The following ACAA2 variants were observed in gnomAD, a reference collection of about 807,000 sequenced individuals.
The protein encoded by ACAA2 is acetyl-CoA acyltransferase 2, also known as 3-ketoacyl-CoA thiolase, mitochondrial.
ACAA2 carries 35 observed loss-of-function variants against 44.8 expected under a neutral mutation model. The ratio of observed to expected loss-of-function variants is 0.78; its 90% CI spans 0.60 to 1.04. The LOEUF is 1.04. Ranked by LOEUF, ACAA2 falls within the 50% of genes least tolerant of loss-of-function variation. The pLI, the probability that ACAA2 is intolerant of heterozygous loss-of-function variation, is 0.00. For missense variants in ACAA2, 468 were observed against 482.6 expected (o/e 0.97, Z 0.28); for synonymous variants, 142 against 166.5 (o/e 0.85, Z 1.13).
At chr18:49,797,705 G>A (rs1389447548) in intron 2 of ACAA2, 111 bp from the exon 3 acceptor site, 17 of 879,326 alleles carry the variant, frequency 1.9e-5, no homozygotes, top group Admixed American at 3.0e-5. Context: ...TAAACTATAT[G>A]GCTCTAAGGT....
intron 3 of ACAA2, among the ~76,000 whole-genome samples, chr18:49,796,980 AT>A (rs76336216): frequency 6.6e-6 from 1 of 151,884 alleles, no homozygotes; most frequent in African/African-American, 2.4e-5. Flanking sequence ...ATATATATAT[AT>A]AATACTTACC....
At chr18:49,786,711 T>G (rs2023333923) in intron 8 of ACAA2, 2 of 152,250 alleles carry the variant, frequency 1.3e-5, no homozygotes, top group Non-Finnish European at 2.9e-5. Flanking sequence ...TAAATGTTTC[T>G]CCACCTCTTC....
chr18:49,806,120 A>C (rs770435000), intron 1 of ACAA2, among the ~76,000 whole-genome samples: 3 of 152,212 alleles, frequency 2.0e-5, no homozygotes, highest in Non-Finnish European at 4.4e-5. Context: ...GGAAGGGAAC[A>C]GAACAGGGTA....
intron 7 of ACAA2, among the ~76,000 whole-genome samples, chr18:49,790,536 C>T (rs567484589): frequency 6.6e-6 from 1 of 152,298 alleles, no homozygotes; most frequent in Non-Finnish European, 1.5e-5. Context: ...AATCTATACC[C>T]TAGGGCAGGC....
At chr18:49,795,243 C>A (rs2023451788) in intron 4 of ACAA2, among the ~76,000 whole-genome samples, 1 of 152,172 alleles carries the variant, frequency 6.6e-6, no homozygotes, top group South Asian at 2.1e-4. Context: ...CAGTACTGTA[C>A]CATCATTCTC....
At chr18:49,797,725 T>G (rs990471529) in intron 2 of ACAA2, 131 bp from the exon 3 acceptor site, 8 of 627,180 alleles carry the variant, frequency 1.3e-5, no homozygotes, top group Admixed American at 7.0e-5. Flanking sequence ...TAGGACAAAA[T>G]GCATCTAAGT....
intron 1 of ACAA2, among the ~76,000 whole-genome samples, chr18:49,809,896 T>C (rs1359730277): frequency 6.6e-6 from 1 of 152,182 alleles, no homozygotes; most frequent in Non-Finnish European, 1.5e-5. Flanking sequence ...TATATCAATG[T>C]TAGCTCATCA....
intron 7 of ACAA2, among the ~76,000 whole-genome samples, chr18:49,788,670 A>G (rs182042983): frequency 6.6e-6 from 1 of 152,246 alleles, no homozygotes; most frequent in African/African-American, 2.4e-5. Context: ...TGACAGACAC[A>G]TAAAAGGTGG....
intron 2 of ACAA2, among the ~76,000 whole-genome samples, chr18:49,800,119 G>A (rs1490428304): frequency 8.7e-5 from 12 of 138,418 alleles, no homozygotes; most frequent in South Asian, 2.4e-4. Flanking sequence ...CGCCCCGTCC[G>A]GGAGGGAGGT....
At chr18:49,804,669 CAAA>C (rs2023592822) in intron 1 of ACAA2, among the ~76,000 whole-genome samples, 1 of 151,656 alleles carries the variant, frequency 6.6e-6, no homozygotes, top group African/African-American at 2.4e-5. Flanking sequence ...TATCTAATCA[CAAA>C]GAATAGAGGA....
At chr18:49,795,548 G>C (rs1363392305) in intron 4 of ACAA2, among the ~76,000 whole-genome samples, 1 of 152,142 alleles carries the variant, frequency 6.6e-6, no homozygotes. Context: ...TGCTGAGATA[G>C]ATAGAATCTA....
Position 49,807,982 on chromosome 18 carries a change from T to TAA in ACAA2, c.17-5131_17-5130dup, listed in dbSNP as rs571108352. ...CAAAGTGTTCTTACAGCTCAGCAATTAAAAAAAAAAAAAAAAACCCATGCA... is the reference window on the plus strand; with the variant it reads ...CAAAGTGTTCTTACAGCTCAGCAATTAAAAAAAAAAAAAAAAAAACCCATGCA... On this transcript the variant is annotated intron_variant, in intron 1 of 9. Transcript: ENST00000285093. Among the ~76,000 whole-genome samples, 595 of 116,264 alleles carry TAA rather than the reference T, an allele frequency of 5.1e-3. 8 individuals are homozygous for TAA. Among genetic ancestry groups the TAA allele is most frequent in the African/African-American group, 0.015 (488 of 31,678 alleles). 76.3% of individuals were successfully genotyped at this position (116,264 alleles called of 152,430 possible). A position where few individuals can be genotyped will look rare whatever the true frequency, so the allele number is the denominator to read the frequency against.
At chr18:49,811,322 G>A (rs1035904489) in intron 1 of ACAA2, 1 of 152,100 alleles carries the variant, frequency 6.6e-6, no homozygotes, top group Non-Finnish European at 1.5e-5. Context: ...CAGCAACGAG[G>A]GCAAATTAAG....
chr18:49,803,239 A>AAATAATAATAATAATAATTAT (rs2023575871), intron 1 of ACAA2, among the ~76,000 whole-genome samples: 3 of 142,402 alleles, frequency 2.1e-5, no homozygotes, highest in African/African-American at 7.7e-5. Context: ...CTGGTAGTTA[A>AAATAATAATAATAATAATTAT]AATAATAATA....
intron 9 of ACAA2, among the ~76,000 whole-genome samples, chr18:49,784,475 C>G (rs1013242271): frequency 3.3e-5 from 5 of 152,108 alleles, no homozygotes; most frequent in Admixed American, 6.5e-5. Context: ...ACTCCTCACT[C>G]CTAATATGAT....
In ACAA2 at chr18:49,803,581, G is replaced by A. The variant is rs142063764; in HGVS notation, c.17-728C>T. On this transcript the variant is annotated intron_variant, in intron 1 of 9. Coordinates refer to ENST00000285093, the MANE Select transcript of ACAA2 (RefSeq NM_006111.3). Reference sequence around the variant, plus strand: ...GTCTGAGGAGTTTTGACTGTGGCTCGTCCTGCTACACTGTGATGTAAAGCC... The same window carrying A: ...GTCTGAGGAGTTTTGACTGTGGCTCATCCTGCTACACTGTGATGTAAAGCC... Among the ~76,000 whole-genome samples the A allele has an allele frequency of 5.9e-5, 9 of 152,188 alleles. No individual in the cohort carries two copies. In the East Asian group the frequency reaches 9.7e-4, roughly 16 times the overall value.
At chr18:49,807,212 T>C (rs1405858807) in intron 1 of ACAA2, among the ~76,000 whole-genome samples, 2 of 151,944 alleles carry the variant, frequency 1.3e-5, no homozygotes, top group Admixed American at 6.6e-5. Flanking sequence ...CTAGGCAACA[T>C]AGCGAGATCC....
chr18:49,807,087 G>T (rs951991549), intron 1 of ACAA2, among the ~76,000 whole-genome samples: 2 of 152,148 alleles, frequency 1.3e-5, no homozygotes, highest in African/African-American at 4.8e-5. Flanking sequence ...ATGAATCCAG[G>T]CAAAAATGCG....
chr18:49,792,392 A>G, intron 5 of ACAA2, 65 bp from the exon 6 acceptor site: 1 of 1,352,434 alleles, frequency 7.4e-7, no homozygotes, highest in Non-Finnish European at 1.0e-6. Context: ...AATCAAACAT[A>G]TTATTCAATT....
Sources: allele counts gnomAD v4.1 joint callset (sites outside exome capture counted in the v4.1 genomes callset), GRCh38; gene constraint gnomAD v4.1.1; transcripts MANE v1.5; gene names NCBI Gene and HGNC (gene_info 2026-07-23, HGNC 2026-07-21).